INPP4B: variants seen among roughly 807,000 people sequenced by gnomAD.
INPP4B encodes inositol polyphosphate-4-phosphatase type II B, also known as inositol polyphosphate 4-phosphatase type II.
A neutral mutation model predicts 122.5 loss-of-function variants in INPP4B; 55 were observed. That is an observed-to-expected ratio of 0.45 (90% CI 0.36 to 0.56). INPP4B has a LOEUF of 0.56. Ranked by LOEUF, INPP4B falls within the 20% of genes least tolerant of loss-of-function variation. The pLI, the probability that INPP4B is intolerant of heterozygous loss-of-function variation, is 0.00. For synonymous variants in INPP4B, 403 were observed against 388.7 expected (o/e 1.04, Z -0.43); for missense variants, 1,000 against 1,097.7 (o/e 0.91, Z 1.26).
intron 5 of INPP4B, among the ~76,000 whole-genome samples, chr4:142,419,388 T>C (rs1158740102): frequency 6.6e-6 from 1 of 152,132 alleles, no homozygotes; most frequent in Non-Finnish European, 1.5e-5. Flanking sequence ...GGGATAAAAC[T>C]GACATTCTAA....
intron 25 of INPP4B, among the ~76,000 whole-genome samples, chr4:142,081,492 G>A (rs905062832): frequency 3.3e-5 from 5 of 152,094 alleles, no homozygotes; most frequent in African/African-American, 9.7e-5. Context: ...AAGTATCAGT[G>A]TCATCCCATC....
At chr4:142,624,325 T>G (rs1472590333) in intron 2 of INPP4B, among the ~76,000 whole-genome samples, 1 of 151,760 alleles carries the variant, frequency 6.6e-6, no homozygotes, top group Non-Finnish European at 1.5e-5. Context: ...CCAGTGATGG[T>G]GAGCATTTTT....
intron 2 of INPP4B, among the ~76,000 whole-genome samples, chr4:142,489,294 G>A (rs1413020137): frequency 1.3e-5 from 2 of 152,136 alleles, no homozygotes; most frequent in Non-Finnish European, 2.9e-5. Flanking sequence ...CTATTTTGGT[G>A]AGTGCTCTAT....
chr4:142,332,497 A>AG (rs886185597), intron 7 of INPP4B, among the ~76,000 whole-genome samples: 4 of 152,104 alleles, frequency 2.6e-5, no homozygotes, highest in Non-Finnish European at 5.9e-5. Context: ...CACTTATTAA[A>AG]GGGGGAAAAA....
At chr4:142,490,864 G>T (rs1821784840) in intron 2 of INPP4B, among the ~76,000 whole-genome samples, 1 of 152,024 alleles carries the variant, frequency 6.6e-6, no homozygotes, top group Non-Finnish European at 1.5e-5. Context: ...TTATCCTCCA[G>T]GTTCATCCAT....
chr4:142,505,490 C>T (rs896815201), intron 2 of INPP4B, among the ~76,000 whole-genome samples: 3 of 152,022 alleles, frequency 2.0e-5, no homozygotes, highest in Non-Finnish European at 4.4e-5. Context: ...GTAAGACTCC[C>T]AATGCATTTT....
At chr4:142,111,924 A>G (rs993249038) in intron 22 of INPP4B, among the ~76,000 whole-genome samples, 1 of 151,508 alleles carries the variant, frequency 6.6e-6, no homozygotes, top group Non-Finnish European at 1.5e-5. Flanking sequence ...TTGTATTTTT[A>G]GTAGAGACGA....
chr4:142,464,136 G>A (rs2149611745), intron 2 of INPP4B, among the ~76,000 whole-genome samples: 1 of 152,048 alleles, frequency 6.6e-6, no homozygotes, highest in Non-Finnish European at 1.5e-5. Context: ...CAGAGTTTGG[G>A]CATTTTACTA....
intron 1 of INPP4B, among the ~76,000 whole-genome samples, chr4:142,838,000 C>T (rs559518245): frequency 3.1e-4 from 47 of 150,584 alleles, no homozygotes; most frequent in African/African-American, 1.1e-3. Context: ...CAATGAAAAG[C>T]TAGACAAGTG....
At chr4:142,748,592 C>A (rs535986386) in intron 1 of INPP4B, among the ~76,000 whole-genome samples, 2 of 151,198 alleles carry the variant, frequency 1.3e-5, no homozygotes. Flanking sequence ...ATATAATGAA[C>A]AACTTTATGT....
chr4:142,828,323 C>T (rs1002181553), intron 1 of INPP4B, among the ~76,000 whole-genome samples: 17 of 152,128 alleles, frequency 1.1e-4, no homozygotes, highest in African/African-American at 4.1e-4. Flanking sequence ...TTACACAATA[C>T]TCAAAAGTGA....
rs116185873 is a variant in INPP4B, at chr4:142,805,718, T to C, written c.-254+40491A>G. Among the ~76,000 whole-genome samples, 587 of 152,340 alleles carry C rather than the reference T, an allele frequency of 3.9e-3. 5 individuals carry two copies. The highest frequency in any genetic ancestry group is 0.013 in the African/African-American group (554 of 41,580). ...TTTCTTAAGGACATTTTATTTCTTC[T>C]AGCTTAATTTATTGTAAGAATACAG... On this transcript the variant is annotated intron_variant, in intron 1 of 25. Transcript: ENST00000262992.
At chr4:142,346,453 CTAGAAAAAGTGACATATTGATAATG>C in intron 7 of INPP4B, among the ~76,000 whole-genome samples, 1 of 151,746 alleles carries the variant, frequency 6.6e-6, no homozygotes, top group East Asian at 1.9e-4. Flanking sequence ...TGAAATTAGA[CTAGAAAAAGTGACATATTGATAATG>C]TGGAAAAAGA....
At chr4:142,578,901 G>T (rs1388447424) in intron 2 of INPP4B, among the ~76,000 whole-genome samples, 4 of 151,936 alleles carry the variant, frequency 2.6e-5, no homozygotes, top group Non-Finnish European at 4.4e-5. Flanking sequence ...GTCTCAGAGA[G>T]AAATTATAGT....
At chr4:142,061,066 C>T (rs1240534307) in intron 25 of INPP4B, among the ~76,000 whole-genome samples, 1 of 152,110 alleles carries the variant, frequency 6.6e-6, no homozygotes, top group Non-Finnish European at 1.5e-5. Context: ...AAACCGTATT[C>T]CAATATTTGA....
At chr4:142,536,000 C>T (rs1828152396) in intron 2 of INPP4B, among the ~76,000 whole-genome samples, 1 of 152,104 alleles carries the variant, frequency 6.6e-6, no homozygotes, top group Non-Finnish European at 1.5e-5. Context: ...GCAAGGAGGG[C>T]CTTTGCATTA....
chr4:142,305,010 A>G (rs1204728973), intron 9 of INPP4B, among the ~76,000 whole-genome samples: 1 of 152,108 alleles, frequency 6.6e-6, no homozygotes, highest in Non-Finnish European at 1.5e-5. Flanking sequence ...TTTATGTTTA[A>G]TAGTATAGCA....
intron 15 of INPP4B, among the ~76,000 whole-genome samples, chr4:142,174,150 T>C (rs755902298): frequency 2.6e-5 from 4 of 152,064 alleles, no homozygotes; most frequent in Non-Finnish European, 5.9e-5. Context: ...GTATTACTAT[T>C]AATTCCTAAT....
intron 7 of INPP4B, among the ~76,000 whole-genome samples, chr4:142,337,551 G>A (rs984487174): frequency 8.7e-5 from 13 of 150,082 alleles, no homozygotes; most frequent in Middle Eastern, 3.5e-3. Flanking sequence ...TAATGAGGTC[G>A]ATTCCCAAAT....
Sources: gnomAD v4.1 joint callset for allele counts (sites outside exome capture counted in the v4.1 genomes callset) on GRCh38, gnomAD v4.1.1 for gene constraint, MANE v1.5 for transcripts, NCBI Gene and HGNC (gene_info 2026-07-23, HGNC 2026-07-21) for gene names.